The following CDH13 variants were observed in gnomAD, a reference collection of about 807,000 sequenced individuals.
CDH13 encodes the protein cadherin-13.
CDH13 carries 24 observed loss-of-function variants against 63.8 expected under a neutral mutation model. That is an observed-to-expected ratio of 0.38 (90% confidence interval 0.27 to 0.53). The LOEUF is 0.53. CDH13 is among the 20% of genes least tolerant of loss of function. CDH13 has a pLI of 0.85. For synonymous variants in CDH13, 503 were observed against 355.3 expected (o/e 1.42, Z -4.67); for missense variants, 1,049 against 903.1 (o/e 1.16, Z -2.07).
At chr16:83,191,714 A>G (rs2038720254) in intron 4 of CDH13, among the ~76,000 whole-genome samples, 1 of 151,732 alleles carries the variant, frequency 6.6e-6, no homozygotes, top group South Asian at 2.1e-4. Context: ...GGCAGGAAGC[A>G]TCCAGCATGG....
At chr16:83,060,783 G>A (rs1030192715) in intron 3 of CDH13, among the ~76,000 whole-genome samples, 1 of 152,146 alleles carries the variant, frequency 6.6e-6, no homozygotes, top group African/African-American at 2.4e-5. Context: ...TGTACCTATT[G>A]TCTGTTTTCA....
At chr16:82,929,081 T>C (rs951433445) in intron 2 of CDH13, among the ~76,000 whole-genome samples, 5 of 152,226 alleles carry the variant, frequency 3.3e-5, no homozygotes, top group Non-Finnish European at 5.9e-5. Flanking sequence ...ATTTTTTAAA[T>C]GATTAGATCA....
intron 3 of CDH13, among the ~76,000 whole-genome samples, chr16:83,091,285 C>A (rs1016591434): frequency 4.6e-5 from 7 of 151,794 alleles, no homozygotes; most frequent in African/African-American, 1.7e-4. Context: ...AAAAAAATTC[C>A]ATGAGCACTT....
chr16:82,909,718 A>G (rs187397976), intron 2 of CDH13, among the ~76,000 whole-genome samples: 90 of 152,086 alleles, frequency 5.9e-4, no homozygotes, highest in Admixed American at 9.2e-4. Flanking sequence ...CCATGATTCA[A>G]TTACCTCCCA....
At chr16:83,663,698 A>G (rs2150841930) in intron 8 of CDH13, among the ~76,000 whole-genome samples, 1 of 152,276 alleles carries the variant, frequency 6.6e-6, no homozygotes, top group South Asian at 2.1e-4. Flanking sequence ...GAGGCAGGGA[A>G]GTCTGTGCCA....
intron 6 of CDH13, among the ~76,000 whole-genome samples, chr16:83,402,136 A>T (rs944403018): frequency 7.2e-5 from 11 of 152,154 alleles, no homozygotes; most frequent in African/African-American, 2.7e-4. Context: ...TTGAACTTTG[A>T]TGCTGTACAC....
At chr16:83,009,150 A>T (rs1257224192) in intron 2 of CDH13, among the ~76,000 whole-genome samples, 2 of 152,234 alleles carry the variant, frequency 1.3e-5, no homozygotes, top group Non-Finnish European at 2.9e-5. Flanking sequence ...CAGCCAAACC[A>T]GATCATAGTC....
chr16:83,460,862 G>A (rs1199099116), intron 6 of CDH13, among the ~76,000 whole-genome samples: 2 of 151,448 alleles, frequency 1.3e-5, no homozygotes, highest in East Asian at 3.9e-4. Flanking sequence ...AAAAAAGTTG[G>A]GCATGGCGGC....
At chr16:83,482,106 A>G (rs1300954115) in intron 6 of CDH13, among the ~76,000 whole-genome samples, 3 of 152,236 alleles carry the variant, frequency 2.0e-5, no homozygotes, top group South Asian at 2.1e-4. Flanking sequence ...GCAGTCGTGG[A>G]AAATCTCCAG....
At chr16:82,823,694 TATATAAA>T (rs931335696) in intron 1 of CDH13, 3 of 152,298 alleles carry the variant, frequency 2.0e-5, no homozygotes, top group Middle Eastern at 3.4e-3. Context: ...TATTTATTGT[TATATAAA>T]ATATAGTATA....
chr16:82,864,288 T>C (rs2040045688), intron 2 of CDH13, among the ~76,000 whole-genome samples: 1 of 152,162 alleles, frequency 6.6e-6, no homozygotes, highest in Non-Finnish European at 1.5e-5. Context: ...GAGTGAGTGT[T>C]TCTAGATAAT....
intron 6 of CDH13, among the ~76,000 whole-genome samples, chr16:83,429,234 C>A (rs2072013404): frequency 6.6e-6 from 1 of 152,152 alleles, no homozygotes. Flanking sequence ...GACTGGTATC[C>A]CATTTATGAC....
At chr16:82,780,191 A>C (rs1167604318) in intron 1 of CDH13, among the ~76,000 whole-genome samples, 6 of 152,148 alleles carry the variant, frequency 3.9e-5, no homozygotes. Flanking sequence ...ATATTTAAGA[A>C]AAAAACCCCA....
intron 4 of CDH13, among the ~76,000 whole-genome samples, chr16:83,160,614 C>T (rs967154511): frequency 4.6e-5 from 7 of 152,132 alleles, no homozygotes; most frequent in Admixed American, 3.9e-4. Flanking sequence ...CAGTGATAAC[C>T]ACCACTAATA....
chr16:83,336,130 G>A (rs375514815), intron 5 of CDH13, among the ~76,000 whole-genome samples: 23 of 151,928 alleles, frequency 1.5e-4, no homozygotes, highest in African/African-American at 4.8e-4. Context: ...GTGAAACCCC[G>A]TCTCTGCTAA....
At chr16:83,169,950 G>A (rs1221354994) in intron 4 of CDH13, among the ~76,000 whole-genome samples, 3 of 151,878 alleles carry the variant, frequency 2.0e-5, no homozygotes, top group Non-Finnish European at 2.9e-5. Flanking sequence ...TCTTACTTTC[G>A]ATGTATGGTT....
rs536057573 is a variant in CDH13, at chr16:83,241,833, A to C, written c.636+24336A>C. On this transcript the variant is annotated intron_variant, in intron 5 of 13. Transcript: ENST00000567109. Reference sequence around the variant, plus strand: ...TTCCTTTGATGAGCATAAGTTTTTAAGTTTGATGTAGTTTCATTTGCCTAG... The same window carrying C: ...TTCCTTTGATGAGCATAAGTTTTTACGTTTGATGTAGTTTCATTTGCCTAG... Among the ~76,000 whole-genome samples the C allele has an allele frequency of 8.5e-5, 13 of 152,186 alleles. No individual in the cohort carries two copies. The South Asian group carries it at 2.5e-3, about 29-fold the overall frequency.
At chr16:83,592,704 C>T (rs761766735) in intron 7 of CDH13, among the ~76,000 whole-genome samples, 195 of 152,166 alleles carry the variant, frequency 1.3e-3, no homozygotes, top group Non-Finnish European at 8.7e-4. Flanking sequence ...CCAGCTTTGT[C>T]GCAGCCAGTA....
At chr16:83,376,500 C>A (rs1015701204) in intron 6 of CDH13, among the ~76,000 whole-genome samples, 3 of 152,116 alleles carry the variant, frequency 2.0e-5, no homozygotes, top group African/African-American at 7.2e-5. Flanking sequence ...AAAGTGACAG[C>A]TCTTGATGAG....
Sources: allele counts gnomAD v4.1 joint callset (sites outside exome capture counted in the v4.1 genomes callset), GRCh38; gene constraint gnomAD v4.1.1; transcripts MANE v1.5; gene names NCBI Gene and HGNC (gene_info 2026-07-23, HGNC 2026-07-21).